Variants in STAG1 observed in about 807,000 individuals in gnomAD.
STAG1 encodes cohesin subunit SA-1.
Under a neutral mutation model 170.9 loss-of-function variants are expected in STAG1, and 26 were observed. The observed-to-expected ratio is 0.15, with a 90% CI of 0.11 to 0.21. The LOEUF (loss-of-function observed/expected upper bound fraction) is 0.21. Ranked by LOEUF, STAG1 falls within the 10% of genes least tolerant of loss-of-function variation. The pLI is 1.00. For missense variants in STAG1, 964 were observed against 1,509.5 expected, an observed-to-expected ratio of 0.64 and a Z score of 5.99; for synonymous variants, 514 against 497.7, an observed-to-expected ratio of 1.03 and a Z score of -0.44.
At chr3:136,616,728 G>A (rs980347875) in intron 3 of STAG1, among the ~76,000 whole-genome samples, 5 of 152,078 alleles carry the variant, frequency 3.3e-5, no homozygotes, top group African/African-American at 4.8e-5. Flanking sequence ...GCAACATGAC[G>A]AAACCTTGCC....
At chr3:136,372,076 C>T (rs1324105797) in intron 23 of STAG1, among the ~76,000 whole-genome samples, 1 of 152,108 alleles carries the variant, frequency 6.6e-6, no homozygotes, top group African/African-American at 2.4e-5. Flanking sequence ...CTTCACATCC[C>T]TTGTGAGTTG....
chr3:136,677,560 C>A (rs1482816445), intron 1 of STAG1, among the ~76,000 whole-genome samples: 1 of 151,968 alleles, frequency 6.6e-6, no homozygotes, highest in East Asian at 1.9e-4. Context: ...GAGGTGGGGT[C>A]CTTTTGTGAA....
At position 136,696,982 on chromosome 3, in the gene STAG1, TA is replaced by T. The variant is rs1942913586; in HGVS notation, c.-84+55212del. ...ACATGAAACTCATGAAACTGAACAC[TA>T]AAAAAAGTTTTGAATTTTACCGTAT... On this transcript the variant is annotated intron_variant, in intron 1 of 33. Coordinates refer to ENST00000383202, the MANE Select transcript of STAG1 (RefSeq NM_005862.3). Among the ~76,000 whole-genome samples, 3 of 152,154 alleles carry T rather than the reference TA, an allele frequency of 2.0e-5. No individual in the cohort carries two copies. In the South Asian group the frequency reaches 6.2e-4, roughly 31 times the overall value.
chr3:136,655,600 T>A (rs191330171), intron 1 of STAG1, among the ~76,000 whole-genome samples: 1 of 152,204 alleles, frequency 6.6e-6, no homozygotes, highest in Non-Finnish European at 1.5e-5. Flanking sequence ...CCATTTCTAC[T>A]AAAAATATAA....
At chr3:136,411,996 T>A (rs376062934) in intron 21 of STAG1, among the ~76,000 whole-genome samples, 1 of 151,464 alleles carries the variant, frequency 6.6e-6, no homozygotes, top group East Asian at 2.0e-4. Context: ...CATATTGGCC[T>A]GGGTGACAGA....
intron 1 of STAG1, among the ~76,000 whole-genome samples, chr3:136,706,982 G>C (rs1943244124): frequency 6.6e-6 from 1 of 152,098 alleles, no homozygotes; most frequent in Admixed American, 6.6e-5. Flanking sequence ...AATGGTATTG[G>C]GATAATGTGA....
chr3:136,603,129 T>C (rs1214783904), intron 4 of STAG1, among the ~76,000 whole-genome samples: 11 of 151,544 alleles, frequency 7.3e-5, no homozygotes, highest in Admixed American at 7.2e-4. Flanking sequence ...AAAAATATAA[T>C]AGAAAGTATA....
intron 1 of STAG1, among the ~76,000 whole-genome samples, chr3:136,649,642 G>GCAGT (rs1000280585): frequency 6.6e-6 from 1 of 151,412 alleles, no homozygotes; most frequent in Non-Finnish European, 1.5e-5. Flanking sequence ...CAGGCCAAGT[G>GCAGT]CAGTGGCTCG....
chr3:136,420,773 C>G (rs1369184844), intron 20 of STAG1, among the ~76,000 whole-genome samples: 1 of 152,124 alleles, frequency 6.6e-6, no homozygotes, highest in Non-Finnish European at 1.5e-5. Context: ...ACCTGGGTTA[C>G]TACATTTACT....
At chr3:136,393,135 G>A (rs973418914) in intron 22 of STAG1, among the ~76,000 whole-genome samples, 6 of 151,904 alleles carry the variant, frequency 3.9e-5, no homozygotes, top group Non-Finnish European at 7.4e-5. Flanking sequence ...ATTACTTTAC[G>A]TAACAAACTT....
chr3:136,720,751 T>C (rs900692498), intron 1 of STAG1, among the ~76,000 whole-genome samples: 1 of 151,942 alleles, frequency 6.6e-6, no homozygotes, highest in Non-Finnish European at 1.5e-5. Context: ...ATTGTGCCAT[T>C]GTACTCCAGT....
rs140285490 is a variant in STAG1, at chr3:136,542,496, A to T, written c.395-301T>A. On this transcript the variant is annotated intron_variant, in intron 5 of 33. Transcript: ENST00000383202. ...TTTAAATTACGTTAAATTGCTGATA[A>T]AAGTATATAATTTGGTACAATCTCT... Among the ~76,000 whole-genome samples the T allele has an allele frequency of 2.0e-5, 3 of 152,244 alleles. No individual in the cohort carries two copies. The East Asian group carries it at 5.8e-4, about 29-fold the overall frequency.
chr3:136,405,170 C>T (rs2107702576), intron 21 of STAG1, among the ~76,000 whole-genome samples: 1 of 146,874 alleles, frequency 6.8e-6, no homozygotes, highest in Non-Finnish European at 1.5e-5. Context: ...AATAAATAAT[C>T]AATATGGCTT....
chr3:136,667,446 G>C (rs935721169), intron 1 of STAG1, among the ~76,000 whole-genome samples: 1 of 152,208 alleles, frequency 6.6e-6, no homozygotes, highest in African/African-American at 2.4e-5. Context: ...AATGATATCA[G>C]TGAGATTATG....
At chr3:136,435,970 T>A (rs1191543025) in intron 15 of STAG1, among the ~76,000 whole-genome samples, 1 of 150,990 alleles carries the variant, frequency 6.6e-6, no homozygotes, top group Admixed American at 6.6e-5. Flanking sequence ...ACCCAGCCTG[T>A]TTTTTTTGAG....
intron 1 of STAG1, among the ~76,000 whole-genome samples, chr3:136,641,443 C>T (rs1940796120): frequency 6.6e-6 from 1 of 152,152 alleles, no homozygotes; most frequent in Non-Finnish European, 1.5e-5. Flanking sequence ...TTACAGTTAA[C>T]ACTGCTAATA....
At position 136,467,212 on chromosome 3, in the gene STAG1, G is replaced by A. The variant is rs1200958408; in HGVS notation, c.1206-2224C>T. ...TGCTCCAATTAAAAGACACAGACTG[G>A]CAAATTGGATAAAGAGTCAAGACCC... is the stretch of plus-strand genomic sequence containing the variant. On this transcript the variant is annotated intron_variant, in intron 12 of 33. Transcript: ENST00000383202. Among the ~76,000 whole-genome samples the A allele has an allele frequency of 2.0e-5, 3 of 152,216 alleles. No homozygotes were observed. The East Asian group carries it at 5.8e-4, about 29-fold the overall frequency.
chr3:136,719,972 T>A (rs1014209640), intron 1 of STAG1, among the ~76,000 whole-genome samples: 1 of 151,204 alleles, frequency 6.6e-6, no homozygotes, highest in Non-Finnish European at 1.5e-5. Flanking sequence ...AGGCCAGGAG[T>A]TCGAGACCAG....
chr3:136,353,409 T>C (rs973474107), intron 28 of STAG1, among the ~76,000 whole-genome samples: 14 of 152,192 alleles, frequency 9.2e-5, no homozygotes, highest in Admixed American at 3.9e-4. Context: ...CATGGATTCA[T>C]CATAGGAAAA....
Sources: gnomAD v4.1 joint callset for allele counts (sites outside exome capture counted in the v4.1 genomes callset) on GRCh38, gnomAD v4.1.1 for gene constraint, MANE v1.5 for transcripts, NCBI Gene and HGNC (gene_info 2026-07-23, HGNC 2026-07-21) for gene names.